Variants in ESRRG observed in about 807,000 individuals in gnomAD.
ESRRG encodes the protein estrogen related receptor gamma.
ESRRG carries 13 observed loss-of-function variants against 44.0 expected under a neutral mutation model. The ratio of observed to expected loss-of-function variants is 0.30; its 90% CI spans 0.19 to 0.47. The LOEUF is 0.47. Ranked by LOEUF, ESRRG falls within the 20% of genes least tolerant of loss-of-function variation. The probability of loss-of-function intolerance (pLI) is 1.00; values close to 1 mark genes in which losing one functional copy is unlikely to be tolerated. For missense variants in ESRRG, 395 were observed against 580.6 expected (o/e 0.68, Z 3.29); for synonymous variants, 215 against 214.6 (o/e 1.00, Z -0.02).
At chr1:216,903,533 C>T (rs2059339802) in intron 2 of ESRRG, among the ~76,000 whole-genome samples, 1 of 151,784 alleles carries the variant, frequency 6.6e-6, no homozygotes, top group African/African-American at 2.4e-5. Flanking sequence ...TCTGATTGCT[C>T]AGCTGTAAGG....
At chr1:216,979,262 A>T (rs1208253018) in intron 1 of ESRRG, among the ~76,000 whole-genome samples, 1 of 152,062 alleles carries the variant, frequency 6.6e-6, no homozygotes, top group Non-Finnish European at 1.5e-5. Context: ...TTAATGTGTG[A>T]TTCAGGATTG....
chr1:216,558,642 A>G (rs2058073728), intron 5 of ESRRG, among the ~76,000 whole-genome samples: 1 of 151,850 alleles, frequency 6.6e-6, no homozygotes, highest in Admixed American at 6.6e-5. Flanking sequence ...AATAATTTGC[A>G]TGTATTTTTT....
intron 1 of ESRRG, among the ~76,000 whole-genome samples, chr1:217,048,396 T>C (rs1294018449): frequency 2.6e-5 from 4 of 152,274 alleles, no homozygotes; most frequent in Admixed American, 6.5e-5. Context: ...CAGAGGGGAC[T>C]GCCAGGCCCC....
chr1:216,606,152 C>A (rs2059908081), intron 3 of ESRRG, among the ~76,000 whole-genome samples: 1 of 152,306 alleles, frequency 6.6e-6, no homozygotes, highest in East Asian at 1.9e-4. Flanking sequence ...CCAACCACCA[C>A]ACACTTAAAA....
chr1:216,567,408 A>T (rs1314611334), intron 4 of ESRRG, among the ~76,000 whole-genome samples: 1 of 152,170 alleles, frequency 6.6e-6, no homozygotes. Context: ...AACAATTCAT[A>T]CCGTCCATAA....
In ESRRG at chr1:216,608,435, G is replaced by A. The variant is rs1166463111; in HGVS notation, c.590-40337C>T. Among the ~76,000 whole-genome samples, 6 of 152,190 alleles carry A rather than the reference G, an allele frequency of 3.9e-5. No homozygotes were observed. The East Asian group carries it at 1.2e-3, about 29-fold the overall frequency. On this transcript the variant is annotated intron_variant, in intron 3 of 6. Transcript: ENST00000408911. The stretch of plus-strand genomic sequence containing the variant: ...ATCATAAAGTAAATTTCCTCTAAGT[G>A]ATGAAAGAAAAGGAGGGAGATACTT...
At position 217,094,833 on chromosome 1, in the gene ESRRG, G is replaced by A. The variant is rs112482874; in HGVS notation, c.-230+42834C>T. ...TCAAAAGACATGGTACAAACTCTGG[G>A]AAAGTAGGCAGCCAATCACATCTCA... On this transcript the variant is annotated intron_variant, in intron 1 of 8. Coordinates refer to the ESRRG transcript ENST00000366940. Among the ~76,000 whole-genome samples the A allele has an allele frequency of 8.9e-4, 135 of 152,302 alleles. 1 individual carries two copies. The highest frequency in any genetic ancestry group is 1.7e-3 in the Admixed American group (26 of 15,282).
intron 1 of ESRRG, among the ~76,000 whole-genome samples, chr1:217,070,177 C>T (rs769822019): frequency 1.3e-5 from 2 of 152,090 alleles, no homozygotes; most frequent in Non-Finnish European, 2.9e-5. Context: ...AGGGAAACTA[C>T]ATAACTCAGT....
chr1:217,132,097 G>A (rs1028790900), intron 1 of ESRRG, among the ~76,000 whole-genome samples: 3 of 152,188 alleles, frequency 2.0e-5, no homozygotes, highest in African/African-American at 7.2e-5. Flanking sequence ...GGGAGGAAAG[G>A]AATTGTTCCA....
At chr1:217,068,717 C>G (rs1166344) in intron 1 of ESRRG, among the ~76,000 whole-genome samples, 7,645 of 152,156 alleles carry the variant, frequency 0.05, 216 homozygotes, top group African/African-American at 0.064. Context: ...GATAAGAAAA[C>G]TATCATCTAA....
chr1:216,694,926 A>G (rs1277083804), intron 1 of ESRRG, among the ~76,000 whole-genome samples: 1 of 152,106 alleles, frequency 6.6e-6, no homozygotes, highest in Non-Finnish European at 1.5e-5. Flanking sequence ...ATTCATTCCT[A>G]TCATGTTTTA....
At chr1:216,864,446 G>A (rs1326016164) in intron 2 of ESRRG, 1 of 151,636 alleles carries the variant, frequency 6.6e-6, no homozygotes, top group East Asian at 1.9e-4. Context: ...TTTTTTAAAT[G>A]TCTGCTATTG....
At chr1:216,864,294 A>G (rs900345488) in intron 2 of ESRRG, 2 of 148,400 alleles carry the variant, frequency 1.3e-5, no homozygotes, top group Admixed American at 6.9e-5. Flanking sequence ...TTTGATCACA[A>G]TTTCCTAGGA....
chr1:216,768,617 G>A (rs2093227995), intron 2 of ESRRG, among the ~76,000 whole-genome samples: 1 of 152,064 alleles, frequency 6.6e-6, no homozygotes, highest in South Asian at 2.1e-4. Flanking sequence ...AGCCTCCTCA[G>A]TAGCTAGGAC....
chr1:216,992,463 G>T (rs2075855332), intron 1 of ESRRG, among the ~76,000 whole-genome samples: 1 of 152,128 alleles, frequency 6.6e-6, no homozygotes, highest in African/African-American at 2.4e-5. Flanking sequence ...TGAGGGCAAA[G>T]ATTTTATTTT....
chr1:217,084,321 T>C (rs2151524084), intron 1 of ESRRG, among the ~76,000 whole-genome samples: 1 of 152,328 alleles, frequency 6.6e-6, no homozygotes, highest in Middle Eastern at 3.4e-3. Flanking sequence ...TAACTCACTA[T>C]ACAAATGTTA....
chr1:216,850,565 G>T (rs2095826302), intron 2 of ESRRG, among the ~76,000 whole-genome samples: 1 of 152,000 alleles, frequency 6.6e-6, no homozygotes. Context: ...TATATGTTTA[G>T]CCTAGTAATT....
At chr1:217,126,550 T>C (rs544387073) in intron 1 of ESRRG, among the ~76,000 whole-genome samples, 6 of 152,134 alleles carry the variant, frequency 3.9e-5, no homozygotes, top group African/African-American at 7.2e-5. Flanking sequence ...TCAAGCTATA[T>C]GACATTGGTC....
intron 2 of ESRRG, chr1:216,936,720 A>G (rs1211709683): frequency 6.6e-6 from 1 of 152,040 alleles, no homozygotes; most frequent in Non-Finnish European, 1.5e-5. Context: ...AAAAAAAAGA[A>G]GAAGGAGAAG....
Sources: allele counts gnomAD v4.1 joint callset (sites outside exome capture counted in the v4.1 genomes callset), GRCh38; gene constraint gnomAD v4.1.1; transcripts MANE v1.5; gene names NCBI Gene and HGNC (gene_info 2026-07-23, HGNC 2026-07-21).